The following ASAP1 variants were observed in gnomAD, a reference collection of about 807,000 sequenced individuals.
ASAP1 encodes the protein ArfGAP with SH3 domain, ankyrin repeat and PH domain 1, also known as arf-GAP with SH3 domain, ANK repeat and PH domain-containing protein 1.
In ASAP1, 43 loss-of-function variants were observed where a neutral mutation model predicts 145.2. That is an observed-to-expected ratio of 0.30 (90% CI 0.23 to 0.38). The LOEUF (loss-of-function observed/expected upper bound fraction) is 0.38, where lower values mean the gene tolerates loss of function less well. ASAP1 is among the 10% of genes least tolerant of loss of function. The pLI, the probability that ASAP1 is intolerant of heterozygous loss-of-function variation, is 1.00. For synonymous variants in ASAP1, 546 were observed against 515.5 expected (o/e 1.06, Z -0.80); for missense variants, 1,018 against 1,355.3 (o/e 0.75, Z 3.91).
chr8:130,256,296 G>A (rs1304435166), intron 3 of ASAP1, among the ~76,000 whole-genome samples: 1 of 150,278 alleles, frequency 6.7e-6, no homozygotes, highest in Admixed American at 6.7e-5. Context: ...AGGAGAATGA[G>A]TACTTTTGTA....
At position 130,120,420 on chromosome 8, in the gene ASAP1, T is replaced by G. The variant is rs533064157; in HGVS notation, c.1608-1745A>C. Among the ~76,000 whole-genome samples, 6 of 152,372 alleles carry G rather than the reference T, an allele frequency of 3.9e-5. No individual in the cohort carries two copies. The South Asian group carries it at 1.2e-3, about 32-fold the overall frequency. On this transcript the variant is annotated intron_variant, in intron 18 of 29. Transcript: ENST00000518721. ...AGTTCTCACTGAATCTCAGTTTCTT[T>G]ACCTGTAAAATATTAGTAATCATAG...
chr8:130,137,976 T>C (rs78629627), intron 13 of ASAP1, among the ~76,000 whole-genome samples: 629 of 152,274 alleles, frequency 4.1e-3, no homozygotes, highest in Middle Eastern at 6.8e-3. Context: ...CCTGGAGAAA[T>C]AAGCAATGAA....
At chr8:130,111,438 C>A (rs2097546678) in intron 24 of ASAP1, among the ~76,000 whole-genome samples, 1 of 152,136 alleles carries the variant, frequency 6.6e-6, no homozygotes, top group Non-Finnish European at 1.5e-5. Flanking sequence ...TCACACAGAA[C>A]CTGGGTTAGA....
At chr8:130,128,237 A>T (rs544750948) in intron 15 of ASAP1, 147 bp from the exon 16 acceptor site, 1 of 523,956 alleles carries the variant, frequency 1.9e-6, no homozygotes, top group African/African-American at 2.0e-5. Context: ...AAATAGCAAT[A>T]AAGTGAGGAA....
chr8:130,164,159 A>G (rs1180005725), intron 11 of ASAP1, among the ~76,000 whole-genome samples: 1 of 152,242 alleles, frequency 6.6e-6, no homozygotes, highest in African/African-American at 2.4e-5. Context: ...AGTAAAACAG[A>G]AACAAAGAAT....
intron 27 of ASAP1, among the ~76,000 whole-genome samples, chr8:130,071,744 C>A (rs2097447032): frequency 6.6e-6 from 1 of 152,138 alleles, no homozygotes; most frequent in African/African-American, 2.4e-5. Flanking sequence ...TGGAACCTGA[C>A]AATATTGAGA....
At chr8:130,391,847 A>T (rs1828300469) in intron 2 of ASAP1, among the ~76,000 whole-genome samples, 1 of 152,254 alleles carries the variant, frequency 6.6e-6, no homozygotes, top group Non-Finnish European at 1.5e-5. Context: ...GGGTTCTCTC[A>T]AACAGGAAGC....
At chr8:130,276,728 A>ACACACACACACTCTCTCTCT (rs548512902) in intron 3 of ASAP1, among the ~76,000 whole-genome samples, 126 of 87,288 alleles carry the variant, frequency 1.4e-3, no homozygotes, top group East Asian at 3.0e-3. Context: ...ACACACACAC[A>ACACACACACACTCTCTCTCT]CTCTCTCTCT....
intron 1 of ASAP1, among the ~76,000 whole-genome samples, chr8:130,441,838 T>C (rs1830498278): frequency 6.6e-6 from 1 of 152,060 alleles, no homozygotes; most frequent in Admixed American, 6.6e-5. Flanking sequence ...CATTCAGAGC[T>C]CTCATGAGAA....
chr8:130,441,742 G>C (rs569884834), intron 1 of ASAP1, among the ~76,000 whole-genome samples: 1 of 152,272 alleles, frequency 6.6e-6, no homozygotes, highest in South Asian at 2.1e-4. Context: ...GAGGTGTAGA[G>C]AATTTCAATT....
intron 25 of ASAP1, chr8:130,084,115 A>C (rs1362778181): frequency 1.3e-5 from 2 of 152,212 alleles, no homozygotes; most frequent in South Asian, 4.1e-4. Context: ...TTTTAACAAA[A>C]TGTCTGGCAC....
chr8:130,281,462 C>A (rs1319658458), intron 3 of ASAP1, among the ~76,000 whole-genome samples: 1 of 152,112 alleles, frequency 6.6e-6, no homozygotes, highest in Admixed American at 6.5e-5. Flanking sequence ...TTTTTTTAAT[C>A]ATGACAGGGC....
In ASAP1 at chr8:130,358,241, G is replaced by C. The variant is rs1202735882; in HGVS notation, c.60-98C>G. The C allele has an allele frequency of 1.0e-6, 1 of 955,766 alleles. No individual in the cohort carries two copies. The highest frequency in any genetic ancestry group is 4.9e-5 in the East Asian group (1 of 20,510). The allele number at this position is 955,766 out of a possible 1,614,324, so 59.2% of individuals were successfully genotyped here. ...CCCGGAGGCTCATGAACCCCGGCGC[G>C]CAGCCCGCCACCCGCCGCCCGGCCT... On this transcript the variant is annotated intron_variant, in intron 2 of 29. Coordinates refer to ENST00000518721, the MANE Select transcript of ASAP1 (RefSeq NM_018482.4). This position sits in a 1 kb window ranked among gnomAD's most constrained non-coding sequence, Gnocchi z 4.1.
chr8:130,116,337 C>G (rs981342939), intron 22 of ASAP1, among the ~76,000 whole-genome samples: 2 of 152,146 alleles, frequency 1.3e-5, no homozygotes, highest in Admixed American at 1.3e-4. Flanking sequence ...CTTTACTTGC[C>G]CAATTTTTGG....
intron 3 of ASAP1, among the ~76,000 whole-genome samples, chr8:130,287,225 T>C (rs4733572): frequency 1.3e-5 from 2 of 152,070 alleles, no homozygotes; most frequent in East Asian, 3.9e-4. Flanking sequence ...TGCCTGGAAC[T>C]AGCAAATAAT....
In ASAP1 at chr8:130,315,762, GGAAAATGCAAAA is replaced by G. The variant is rs553988265; in HGVS notation, c.186+42243_186+42254del. On this transcript the variant is annotated intron_variant, in intron 3 of 29. Coordinates refer to ENST00000518721, the MANE Select transcript of ASAP1 (RefSeq NM_018482.4). ...CAGTGTATGGCGTACAGAGGAAATT[GGAAAATGCAAAA>G]GAAAAAAAGCAACACTGAGCACCCA... Among the ~76,000 whole-genome samples the G allele has an allele frequency of 2.6e-5, 4 of 152,268 alleles. No individual in the cohort carries two copies. The East Asian group carries it at 7.7e-4, about 29-fold the overall frequency.
chr8:130,170,020 G>A (rs892880128), intron 9 of ASAP1, among the ~76,000 whole-genome samples: 5 of 152,118 alleles, frequency 3.3e-5, no homozygotes, highest in Non-Finnish European at 7.4e-5. Context: ...CCTATTGGAA[G>A]CTTCTCTAAC....
chr8:130,074,598 T>C (rs2097458113), intron 27 of ASAP1, among the ~76,000 whole-genome samples: 1 of 151,760 alleles, frequency 6.6e-6, no homozygotes, highest in South Asian at 2.1e-4. Context: ...GAAACAGCAA[T>C]GCAAAAGATG....
chr8:130,252,168 T>A (rs1444838991), intron 3 of ASAP1, among the ~76,000 whole-genome samples: 1 of 152,226 alleles, frequency 6.6e-6, no homozygotes, highest in Non-Finnish European at 1.5e-5. Context: ...CTAAAAATTA[T>A]GTATGGAACA....
Sources: gnomAD v4.1 joint callset for allele counts (sites outside exome capture counted in the v4.1 genomes callset) on GRCh38, gnomAD v4.1.1 for gene constraint, Gnocchi (gnomAD v3.1) non-coding constraint, MANE v1.5 for transcripts, NCBI Gene and HGNC (gene_info 2026-07-23, HGNC 2026-07-21) for gene names.